Variants in IL21R observed in about 807,000 individuals in gnomAD.
IL21R encodes interleukin 21 receptor.
A neutral mutation model predicts 41.3 loss-of-function variants in IL21R; 14 were observed. That is an observed-to-expected ratio of 0.34 (90% CI 0.22 to 0.53). IL21R has a LOEUF of 0.53. Among genes scored for constraint, IL21R ranks in the 20% least tolerant of loss-of-function variants. IL21R has a pLI of 0.94. For synonymous variants in IL21R, 286 were observed against 287.6 expected (o/e 0.99, Z 0.05); for missense variants, 588 against 681.6 (o/e 0.86, Z 1.53).
intron 1 of IL21R, among the ~76,000 whole-genome samples, chr16:27,421,368 G>A (rs1356103162): frequency 1.4e-5 from 2 of 147,914 alleles, no homozygotes; most frequent in African/African-American, 4.9e-5. Flanking sequence ...AGAGCCAGCT[G>A]GGATTTTTTA....
In IL21R at chr16:27,449,530, G is replaced by A; in HGVS notation, c.*247G>A. ...GTGTGTGTGATTGCACGTGCCTGTG[G>A]GCCTGGGATAATGCCCATGGTACTC... On this transcript the variant is annotated 3_prime_UTR_variant, in exon 9 of 9. Transcript: ENST00000337929. The A allele has an allele frequency of 3.6e-6, 2 of 555,930 alleles. No homozygotes were observed. The highest frequency in any genetic ancestry group is 3.0e-5 in the East Asian group (1 of 33,822). 34.4% of individuals were successfully genotyped at this position (555,930 alleles called of 1,614,324 possible).
intron 5 of IL21R, among the ~76,000 whole-genome samples, chr16:27,443,685 A>C (rs1752648624): frequency 6.6e-6 from 1 of 152,012 alleles, no homozygotes; most frequent in Non-Finnish European, 1.5e-5. Context: ...CTGGAGGCTT[A>C]GGCAGGAGAA....
At chr16:27,443,739 C>T (rs1281812279) in intron 5 of IL21R, among the ~76,000 whole-genome samples, 5 of 150,766 alleles carry the variant, frequency 3.3e-5, no homozygotes, top group East Asian at 1.9e-4. Flanking sequence ...GCTGGGATCG[C>T]GCTACTGCAC....
intron 1 of IL21R, among the ~76,000 whole-genome samples, chr16:27,419,619 G>A (rs2086966554): frequency 6.6e-6 from 1 of 152,070 alleles, no homozygotes; most frequent in African/African-American, 2.4e-5. Flanking sequence ...GTAGAGATGG[G>A]GTTTCACCAT....
intron 1 of IL21R, among the ~76,000 whole-genome samples, chr16:27,405,878 A>T (rs2086736307): frequency 6.6e-6 from 1 of 152,244 alleles, no homozygotes; most frequent in Non-Finnish European, 1.5e-5. Context: ...TGCCCAGGAC[A>T]TCTGCATCAG....
chr16:27,405,088 G>A (rs570770479), intron 1 of IL21R, among the ~76,000 whole-genome samples: 70 of 151,410 alleles, frequency 4.6e-4, no homozygotes, highest in South Asian at 4.2e-3. Context: ...GCTGGAGTGC[G>A]GTGGCGCAAT....
rs1395940682 is a variant in IL21R at position 27,450,804 on chromosome 16, C to G, written c.*1521C>G. On this transcript the variant is annotated 3_prime_UTR_variant, in exon 9 of 9. Transcript: ENST00000337929. Reference sequence around the variant, plus strand: ...CCCTGGCCCGGCCCCGTCTTCCTCCCCAAAGGTCAGACTGCAGGCTGCAGG... The same window carrying G: ...CCCTGGCCCGGCCCCGTCTTCCTCCGCAAAGGTCAGACTGCAGGCTGCAGG... 8.7e-6 allele frequency: 2 copies of G among 230,506 alleles called. No homozygotes were observed. Among genetic ancestry groups the G allele is most frequent in the African/African-American group, 4.4e-5 (2 of 45,198 alleles). The allele number at this position is 230,506 out of a possible 1,614,324, so 14.3% of individuals were successfully genotyped here. A position where few individuals can be genotyped will look rare whatever the true frequency, so the allele number is the denominator to read the frequency against.
At chr16:27,448,274 G>A (rs1360524539) in intron 8 of IL21R, 2 of 440,216 alleles carry the variant, frequency 4.5e-6, no homozygotes, top group Non-Finnish European at 8.1e-6. Flanking sequence ...GGCCAACATG[G>A]TGAAACCACG....
chr16:27,432,362 GTGCACCT>G (rs2087189416), intron 2 of IL21R, among the ~76,000 whole-genome samples: 1 of 152,190 alleles, frequency 6.6e-6, no homozygotes. Flanking sequence ...GAGCTACTTT[GTGCACCT>G]CTCACTGCCT....
intron 2 of IL21R, among the ~76,000 whole-genome samples, chr16:27,430,825 A>G (rs896137531): frequency 6.6e-6 from 1 of 152,136 alleles, no homozygotes; most frequent in African/African-American, 2.4e-5. Context: ...AACAACAGCA[A>G]CAACAACAAC....
intron 1 of IL21R, among the ~76,000 whole-genome samples, chr16:27,422,716 A>G (rs1412738804): frequency 6.6e-6 from 1 of 152,182 alleles, no homozygotes; most frequent in Non-Finnish European, 1.5e-5. Context: ...GCCATTTTCC[A>G]ATTCACCTAA....
chr16:27,423,364 A>G lies in IL21R; in HGVS notation c.-16-6692A>G, dbSNP rs566479527. Among the ~76,000 whole-genome samples, 6 of 152,280 alleles carry G rather than the reference A, an allele frequency of 3.9e-5. No individual in the cohort carries two copies. The East Asian group carries it at 1.2e-3, about 29-fold the overall frequency. ...AAACTAAGCCTCACTTACATTTAAAATGGTATGAAATAGTTTGAACATACA... is the reference window on the plus strand; with the variant it reads ...AAACTAAGCCTCACTTACATTTAAAGTGGTATGAAATAGTTTGAACATACA... On this transcript the variant is annotated intron_variant, in intron 1 of 8. Transcript: ENST00000337929.
chr16:27,444,953 T>C (rs75870066), intron 6 of IL21R, among the ~76,000 whole-genome samples: 1 of 152,164 alleles, frequency 6.6e-6, no homozygotes, highest in Non-Finnish European at 1.5e-5. Flanking sequence ...ATCAGCCCTG[T>C]TTTTCAGACG....
At position 27,449,227 on chromosome 16, in the gene IL21R, C is replaced by T; in HGVS notation, c.1561C>T (p.Arg521Cys). Residue 521 changes from arginine to cysteine, a missense_variant, in exon 9 of 9, where the codon CGC (arginine) becomes TGC (cysteine). Coordinates refer to ENST00000337929, the MANE Select transcript of IL21R (RefSeq NM_181078.3). Reference protein sequence around the residue: ...GDEGPPRSYLRQWVVIPPPLS... With the variant: ...GDEGPPRSYLCQWVVIPPPLS... ...CGAAGGACCCCCCCGGAGCTACCTC[C>T]GCCAGTGGGTGGTCATTCCTCCGCC... 1 of 1,612,312 alleles carries T rather than the reference C, an allele frequency of 6.2e-7. No individual in the cohort carries two copies. Among genetic ancestry groups the T allele is most frequent in the African/African-American group, 1.3e-5 (1 of 75,054 alleles).
At chr16:27,433,030 A>G (rs1487854687) in intron 2 of IL21R, among the ~76,000 whole-genome samples, 1 of 152,180 alleles carries the variant, frequency 6.6e-6, no homozygotes, top group Admixed American at 6.5e-5. Flanking sequence ...ACTAAAGGAT[A>G]TTTCCAGACA....
chr16:27,405,665 G>A (rs892051367), intron 1 of IL21R, among the ~76,000 whole-genome samples: 1 of 152,230 alleles, frequency 6.6e-6, no homozygotes, highest in Non-Finnish European at 1.5e-5. Flanking sequence ...ACACGTGAAG[G>A]GGAGGGAGAG....
At position 27,428,731 on chromosome 16, in the gene IL21R, C is replaced by G. The variant is rs539313675; in HGVS notation, c.-16-1325C>G. ...ACTCACTCTGCTCCCCAAAGAGGTT[C>G]CTTCTCCATCCTGGCCCAAATTAGG... On this transcript the variant is annotated intron_variant, in intron 1 of 8. Coordinates refer to ENST00000337929, the MANE Select transcript of IL21R (RefSeq NM_181078.3). 4.6e-5 allele frequency among the ~76,000 whole-genome samples: 7 copies of G among 152,328 alleles called. No individual in the cohort carries two copies. In the East Asian group the frequency reaches 9.6e-4, roughly 21 times the overall value.
intron 2 of IL21R, among the ~76,000 whole-genome samples, chr16:27,430,399 G>C (rs568604756): frequency 2.6e-4 from 39 of 152,338 alleles, no homozygotes; most frequent in African/African-American, 6.0e-4. Context: ...GGGATGAAAG[G>C]CTTCGTCCTT....
At chr16:27,442,476 G>A (rs972287723) in intron 4 of IL21R, among the ~76,000 whole-genome samples, 2 of 152,244 alleles carry the variant, frequency 1.3e-5, no homozygotes, top group African/African-American at 4.8e-5. Flanking sequence ...CCATTCTCCT[G>A]CCTCAGCCTC....
Sources: allele counts gnomAD v4.1 joint callset (sites outside exome capture counted in the v4.1 genomes callset), GRCh38; gene constraint gnomAD v4.1.1; transcripts MANE v1.5; gene names NCBI Gene and HGNC (gene_info 2026-07-23, HGNC 2026-07-21).